UBE2E2: variants seen among roughly 807,000 people sequenced by gnomAD.
UBE2E2 encodes ubiquitin conjugating enzyme E2 E2, also known as ubiquitin-conjugating enzyme E2 E2.
A neutral mutation model predicts 24.7 loss-of-function variants in UBE2E2; 6 were observed. That is an observed-to-expected ratio of 0.24 (90% CI 0.13 to 0.48). UBE2E2 has a LOEUF of 0.48. Among genes scored for constraint, UBE2E2 ranks in the 20% least tolerant of loss-of-function variants. The probability of loss-of-function intolerance (pLI) is 0.99; values close to 1 mark genes in which losing one functional copy is unlikely to be tolerated. For synonymous variants in UBE2E2, 104 were observed against 83.6 expected (o/e 1.24, Z -1.33); for missense variants, 169 against 245.0 (o/e 0.69, Z 2.07).
At chr3:23,521,095 T>G in intron 4 of UBE2E2, among the ~76,000 whole-genome samples, 1 of 152,258 alleles carries the variant, frequency 6.6e-6, no homozygotes, top group Admixed American at 6.5e-5. Flanking sequence ...AATAAATAAC[T>G]GACCCTTCAT....
At position 23,583,388 on chromosome 3, in the gene UBE2E2, C is replaced by T. The variant is rs947228488; in HGVS notation, c.509-6346C>T. On this transcript the variant is annotated intron_variant, in intron 5 of 5. Transcript: ENST00000396703. This position sits in a 1 kb window ranked among gnomAD's most constrained non-coding sequence, Gnocchi z 4.1. The stretch of plus-strand genomic sequence containing the variant: ...GATGCTTCCACCTTTGTTCTTTTTG[C>T]TTAGCATTGCTTTGGCTATTCAGGC... Among the ~76,000 whole-genome samples, 1 of 152,066 alleles carries T rather than the reference C, an allele frequency of 6.6e-6. No individual in the cohort carries two copies. The highest frequency in any genetic ancestry group is 2.4e-5 in the African/African-American group (1 of 41,410).
intron 5 of UBE2E2, among the ~76,000 whole-genome samples, chr3:23,535,822 C>T (rs1280078732): frequency 2.6e-5 from 4 of 151,942 alleles, no homozygotes; most frequent in South Asian, 2.1e-4. Flanking sequence ...AAGGCTTCAC[C>T]GTGTTAGCCA....
rs559487515 is a variant in UBE2E2, at chr3:23,435,888, G to C, written c.228-63720G>C. Reference sequence around the variant, plus strand: ...CCAAGGTCTGGTTTTGTGGAAGACAGTTATTCCACGGCAGGGGCGGGGCAG... The same window carrying C: ...CCAAGGTCTGGTTTTGTGGAAGACACTTATTCCACGGCAGGGGCGGGGCAG... On this transcript the variant is annotated intron_variant, in intron 3 of 5. Transcript: ENST00000396703. Among the ~76,000 whole-genome samples, 3 of 152,308 alleles carry C rather than the reference G, an allele frequency of 2.0e-5. No homozygotes were observed. The East Asian group carries it at 5.8e-4, about 29-fold the overall frequency.
At chr3:23,521,900 C>T (rs566197161) in intron 4 of UBE2E2, among the ~76,000 whole-genome samples, 2 of 151,310 alleles carry the variant, frequency 1.3e-5, no homozygotes, top group South Asian at 2.1e-4. Flanking sequence ...CCCCCACCCC[C>T]CCAGCACTAA....
intron 3 of UBE2E2, among the ~76,000 whole-genome samples, chr3:23,341,080 C>T (rs1317960026): frequency 6.6e-6 from 1 of 152,162 alleles, no homozygotes; most frequent in Non-Finnish European, 1.5e-5. Context: ...AGTTTATGCT[C>T]ACAGAATCAG....
At chr3:23,285,556 TAA>T (rs1243300376) in intron 3 of UBE2E2, among the ~76,000 whole-genome samples, 2 of 152,210 alleles carry the variant, frequency 1.3e-5, no homozygotes, top group Non-Finnish European at 2.9e-5. Flanking sequence ...TGTCTTTGGA[TAA>T]AAGTCATTTT....
chr3:23,589,536 C>A lies in UBE2E2; in HGVS notation c.509-198C>A, dbSNP rs543377096. On this transcript the variant is annotated intron_variant, in intron 5 of 5. Coordinates refer to ENST00000396703, the MANE Select transcript of UBE2E2 (RefSeq NM_152653.4). The surrounding 1 kb of genome is among the most constrained non-coding windows in gnomAD (Gnocchi z 4.1). ...TATGACAAGAGCTATCAGTAAAATA[C>A]AGATAGGTGACTCTTGGGGCAGCTG... is the stretch of plus-strand genomic sequence containing the variant. 6.6e-6 allele frequency among the ~76,000 whole-genome samples: 1 copy of A among 152,196 alleles called. No individual in the cohort carries two copies. Among genetic ancestry groups the A allele is most frequent in the Admixed American group, 6.5e-5 (1 of 15,294 alleles).
intron 4 of UBE2E2, among the ~76,000 whole-genome samples, chr3:23,516,031 T>G (rs183912283): frequency 2.6e-5 from 4 of 152,258 alleles, no homozygotes; most frequent in Admixed American, 2.0e-4. Context: ...AGAACATTTC[T>G]TACATCATTC....
At chr3:23,485,908 T>C (rs1488075418) in intron 3 of UBE2E2, among the ~76,000 whole-genome samples, 1 of 152,030 alleles carries the variant, frequency 6.6e-6, no homozygotes, top group Non-Finnish European at 1.5e-5. Context: ...AGTGCAGAGG[T>C]CAAGGAGGAG....
rs73821829 is a variant in UBE2E2 at position 23,501,913 on chromosome 3, A to T, written c.360+2173A>T. Among the ~76,000 whole-genome samples the T allele has an allele frequency of 7.2e-3, 1,086 of 151,590 alleles. 13 individuals carry two copies. The highest frequency in any genetic ancestry group is 0.025 in the African/African-American group (1,043 of 41,366). On this transcript the variant is annotated intron_variant, in intron 4 of 5. Transcript: ENST00000396703. The stretch of plus-strand genomic sequence containing the variant: ...TTGGACCAGACAATCTCTAAGGAGA[A>T]AAAAAAAAGCAAACTTTGGTACCTA...
intron 5 of UBE2E2, among the ~76,000 whole-genome samples, chr3:23,557,171 G>A (rs1418978856): frequency 1.3e-5 from 2 of 152,140 alleles, no homozygotes; most frequent in African/African-American, 4.8e-5. Context: ...TGTGTTGGTG[G>A]TGGACTAAAT....
chr3:23,543,877 C>T (rs559160276), intron 5 of UBE2E2, among the ~76,000 whole-genome samples: 1 of 152,208 alleles, frequency 6.6e-6, no homozygotes, highest in African/African-American at 2.4e-5. Flanking sequence ...ATACATAAAC[C>T]AATGGAACAG....
intron 3 of UBE2E2, among the ~76,000 whole-genome samples, chr3:23,435,759 C>T (rs1182933287): frequency 2.0e-5 from 3 of 152,162 alleles, no homozygotes; most frequent in Admixed American, 6.5e-5. Flanking sequence ...CTGCATCTGG[C>T]CCCTTTGGTA....
At chr3:23,422,146 T>A (rs1013910930) in intron 3 of UBE2E2, among the ~76,000 whole-genome samples, 3 of 152,150 alleles carry the variant, frequency 2.0e-5, no homozygotes, top group African/African-American at 7.2e-5. Context: ...GAAGTAGAAG[T>A]TGGTACTTAA....
intron 3 of UBE2E2, among the ~76,000 whole-genome samples, chr3:23,266,896 A>T (rs1369764857): frequency 6.6e-6 from 1 of 152,222 alleles, no homozygotes; most frequent in East Asian, 1.9e-4. Flanking sequence ...CAGGATTAAG[A>T]AACTCACTCA....
intron 5 of UBE2E2, among the ~76,000 whole-genome samples, chr3:23,539,445 T>C (rs948179429): frequency 6.6e-6 from 1 of 152,216 alleles, no homozygotes; most frequent in African/African-American, 2.4e-5. Flanking sequence ...TTTTAAAGTT[T>C]AAAGTTTCAC....
At chr3:23,568,756 A>C (rs1430416765) in intron 5 of UBE2E2, among the ~76,000 whole-genome samples, 1 of 140,894 alleles carries the variant, frequency 7.1e-6, no homozygotes, top group Non-Finnish European at 1.5e-5. Context: ...TATATGTATA[A>C]CACTTTATAA....
At chr3:23,494,961 G>C (rs117928264) in intron 3 of UBE2E2, among the ~76,000 whole-genome samples, 4,384 of 152,084 alleles carry the variant, frequency 0.029, 108 homozygotes, top group East Asian at 0.13. Context: ...TTTTAGTAAA[G>C]ATGGGGTTTC....
At chr3:23,534,275 C>G (rs1575690916) in intron 5 of UBE2E2, 5 of 969,450 alleles carry the variant, frequency 5.2e-6, no homozygotes, top group Non-Finnish European at 4.9e-6. Context: ...GGAATAGATT[C>G]ATTCCACCAA....
Sources: allele counts gnomAD v4.1 joint callset (sites outside exome capture counted in the v4.1 genomes callset), GRCh38; gene constraint gnomAD v4.1.1; non-coding constraint Gnocchi (gnomAD v3.1); transcripts MANE v1.5; gene names NCBI Gene and HGNC (gene_info 2026-07-23, HGNC 2026-07-21).